DOCK2: variants seen among roughly 807,000 people sequenced by gnomAD.
DOCK2 encodes dedicator of cytokinesis 2, also known as dedicator of cytokinesis protein 2.
In DOCK2, 87 loss-of-function variants were observed where a neutral mutation model predicts 248.9. The observed-to-expected ratio is 0.35, with a 90% confidence interval of 0.29 to 0.42. DOCK2 has a LOEUF of 0.42. DOCK2 is among the 10% of genes least tolerant of loss of function. The probability of loss-of-function intolerance (pLI) is 1.00; values close to 1 mark genes in which losing one functional copy is unlikely to be tolerated. For missense variants in DOCK2, 1,747 were observed against 2,300.2 expected (o/e 0.76, Z 4.92); for synonymous variants, 805 against 821.6 (o/e 0.98, Z 0.35).
At chr5:169,949,570 G>A (rs1332883503) in intron 27 of DOCK2, among the ~76,000 whole-genome samples, 1 of 151,632 alleles carries the variant, frequency 6.6e-6, no homozygotes, top group African/African-American at 2.4e-5. Flanking sequence ...CAGAGGCGGG[G>A]GAGCACAGCA....
chr5:169,851,744 G>A (rs1227505984), intron 27 of DOCK2, among the ~76,000 whole-genome samples: 1 of 152,144 alleles, frequency 6.6e-6, no homozygotes, highest in Non-Finnish European at 1.5e-5. Context: ...GGGGAAGCAG[G>A]GAGGTTTTAC....
At chr5:169,889,058 T>A (rs1773137953) in intron 27 of DOCK2, among the ~76,000 whole-genome samples, 1 of 152,204 alleles carries the variant, frequency 6.6e-6, no homozygotes, top group African/African-American at 2.4e-5. Flanking sequence ...CATGTGGTAA[T>A]GGTCTACTCT....
intron 44 of DOCK2, among the ~76,000 whole-genome samples, chr5:170,058,759 G>A (rs916638609): frequency 4.6e-5 from 7 of 152,192 alleles, no homozygotes; most frequent in Non-Finnish European, 8.8e-5. Flanking sequence ...GAGGAGGGAC[G>A]TGGTCTGACT....
At chr5:169,728,884 G>T (rs1012189703) in intron 22 of DOCK2, among the ~76,000 whole-genome samples, 2 of 152,166 alleles carry the variant, frequency 1.3e-5, no homozygotes, top group African/African-American at 4.8e-5. Context: ...AAATGGTGTG[G>T]AATGAGGCTA....
rs183838095 is a variant in DOCK2, at chr5:169,936,133, G to A, written c.2800-46935G>A. Among the ~76,000 whole-genome samples the A allele has an allele frequency of 6.4e-4, 97 of 152,280 alleles. 2 individuals are homozygous for A. The highest frequency in any genetic ancestry group is 2.4e-4 in the Non-Finnish European group (16 of 68,026). On this transcript the variant is annotated intron_variant, in intron 27 of 51. Transcript: ENST00000520908. The stretch of plus-strand genomic sequence containing the variant: ...GAAAATGTAACAAAACCACCTGTCT[G>A]CCCTTGAGGAGATGGAGAACAAAAT...
At chr5:169,698,543 G>C in intron 11 of DOCK2, 94 bp downstream of exon 11, 1 of 1,388,858 alleles carries the variant, frequency 7.2e-7, no homozygotes, top group African/African-American at 1.4e-5. Context: ...CCCTGAGTTA[G>C]TGATAGGCAG....
chr5:170,059,147 CT>C (rs202169580), intron 44 of DOCK2, among the ~76,000 whole-genome samples: 1,740 of 150,244 alleles, frequency 0.012, 34 homozygotes, highest in African/African-American at 0.039. Flanking sequence ...GACTCTTTAT[CT>C]TTTTTTCCTT....
chr5:169,941,136 G>A (rs765305844), intron 27 of DOCK2, among the ~76,000 whole-genome samples: 50 of 152,202 alleles, frequency 3.3e-4, no homozygotes, highest in Non-Finnish European at 6.2e-4. Context: ...AGCACAGGGT[G>A]TCGGGAGAGC....
At chr5:169,739,281 G>A (rs1294228872) in intron 22 of DOCK2, among the ~76,000 whole-genome samples, 1 of 152,170 alleles carries the variant, frequency 6.6e-6, no homozygotes, top group African/African-American at 2.4e-5. Flanking sequence ...GGAGGCAGGT[G>A]AAAAATCAGC....
intron 27 of DOCK2, among the ~76,000 whole-genome samples, chr5:169,854,377 G>T (rs942919214): frequency 7.2e-5 from 11 of 151,806 alleles, no homozygotes; most frequent in Non-Finnish European, 1.3e-4. Context: ...TAGAGACGGG[G>T]TTTCACCACA....
intron 23 of DOCK2, 39 bp from the exon 24 acceptor site, chr5:169,759,665 GA>G: frequency 6.2e-7 from 1 of 1,610,328 alleles, no homozygotes; most frequent in Non-Finnish European, 8.5e-7. Flanking sequence ...CAGACTTGTT[GA>G]TGTGAGGATC....
At chr5:169,992,968 G>C (rs191303745) in intron 29 of DOCK2, among the ~76,000 whole-genome samples, 97 of 152,172 alleles carry the variant, frequency 6.4e-4, no homozygotes, top group Non-Finnish European at 1.2e-3. Flanking sequence ...CGGTCATTAG[G>C]CTGGCCTTTG....
At chr5:169,712,324 C>A in intron 17 of DOCK2, 101 bp downstream of exon 17, 1 of 1,012,564 alleles carries the variant, frequency 9.9e-7, no homozygotes, top group Non-Finnish European at 1.5e-6. Context: ...CCCAGAATCA[C>A]ACACACCAGA....
chr5:169,850,604 G>A (rs1371607874), intron 27 of DOCK2, among the ~76,000 whole-genome samples: 1 of 152,188 alleles, frequency 6.6e-6, no homozygotes, highest in Admixed American at 6.5e-5. Context: ...AGGTGGCATT[G>A]TGAGCTTGGG....
chr5:169,839,228 C>A (rs1263967918), intron 26 of DOCK2, among the ~76,000 whole-genome samples: 2 of 152,184 alleles, frequency 1.3e-5, no homozygotes, highest in Non-Finnish European at 2.9e-5. Flanking sequence ...CAGAATAACA[C>A]ACCTAAAATT....
intron 22 of DOCK2, among the ~76,000 whole-genome samples, chr5:169,723,997 G>A (rs948973874): frequency 3.3e-5 from 5 of 152,160 alleles, no homozygotes; most frequent in African/African-American, 1.2e-4. Flanking sequence ...GGAGACTGAG[G>A]CTTAGAGTCA....
intron 26 of DOCK2, among the ~76,000 whole-genome samples, chr5:169,804,470 G>GTA (rs1248543684): frequency 1.2e-4 from 10 of 83,360 alleles, no homozygotes; most frequent in African/African-American, 3.0e-4. Flanking sequence ...GTGTGTGTGT[G>GTA]TGTGTGTGTG....
chr5:170,029,140 T>A (rs543565901), intron 34 of DOCK2, among the ~76,000 whole-genome samples: 2 of 152,350 alleles, frequency 1.3e-5, no homozygotes, highest in East Asian at 3.9e-4. Flanking sequence ...TTTGACCTTT[T>A]GAGGAATAAC....
intron 27 of DOCK2, chr5:169,881,423 C>T: frequency 1.3e-6 from 2 of 1,551,486 alleles, no homozygotes; most frequent in Non-Finnish European, 1.7e-6. Flanking sequence ...AGATCTTGGC[C>T]AGTTCGATAA....
Sources: allele counts gnomAD v4.1 joint callset (sites outside exome capture counted in the v4.1 genomes callset), GRCh38; gene constraint gnomAD v4.1.1; transcripts MANE v1.5; gene names NCBI Gene and HGNC (gene_info 2026-07-23, HGNC 2026-07-21).